The following PCDHGA3 variants were observed in gnomAD, a reference collection of about 807,000 sequenced individuals.
The protein encoded by PCDHGA3 is protocadherin gamma-A3.
In PCDHGA3, 40 loss-of-function variants were observed where a neutral mutation model predicts 58.5. That is an observed-to-expected ratio of 0.68 (90% CI 0.53 to 0.89). PCDHGA3 has a LOEUF of 0.89. PCDHGA3 is among the 40% of genes least tolerant of loss of function. PCDHGA3 has a pLI of 0.00. For synonymous variants in PCDHGA3, 530 were observed against 525.7 expected, an observed-to-expected ratio of 1.01 and a Z score of -0.11; for missense variants, 1,223 against 1,195.9, an observed-to-expected ratio of 1.02 and a Z score of -0.33.
chr5:141,490,205 C>A lies in PCDHGA3; in HGVS notation c.2425-4602C>A. 1 of 1,614,168 alleles carries A rather than the reference C, an allele frequency of 6.2e-7. No individual in the cohort carries two copies. The highest frequency in any genetic ancestry group is 8.5e-7 in the Non-Finnish European group (1 of 1,180,004). ...CGTTTCTATGAAATTCATGCAAGAG[C>A]CCGTGACCAGGGACAGCCTGCCATG... On this transcript the variant is annotated intron_variant, in intron 1 of 3. Transcript: ENST00000253812. This position sits in a 1 kb window ranked among gnomAD's most constrained non-coding sequence, Gnocchi z 5.4.
At chr5:141,383,367 G>C in intron 1 of PCDHGA3, 2 of 1,614,030 alleles carry the variant, frequency 1.2e-6, no homozygotes, top group Non-Finnish European at 1.7e-6. Context: ...CGTTAAGCGA[G>C]GCTGGGGATC....
At chr5:141,497,500 T>G (rs1468175808) in intron 2 of PCDHGA3, among the ~76,000 whole-genome samples, 2 of 151,562 alleles carry the variant, frequency 1.3e-5, no homozygotes, top group Non-Finnish European at 2.9e-5. Context: ...CTCTCTCCTC[T>G]CTCTGCTTCC....
At chr5:141,439,774 T>G (rs1435214431) in intron 1 of PCDHGA3, 2 of 152,364 alleles carry the variant, frequency 1.3e-5, no homozygotes, top group East Asian at 3.9e-4. Context: ...CCTTCTTGGC[T>G]GGAGATTCTA....
Position 141,490,440 on chromosome 5 carries a change from T to G in PCDHGA3, c.2425-4367T>G, listed in dbSNP as rs560525159. The G allele has an allele frequency of 6.2e-7, 1 of 1,614,206 alleles. No individual in the cohort carries two copies. The highest frequency in any genetic ancestry group is 1.7e-5 in the Admixed American group (1 of 60,026). On this transcript the variant is annotated intron_variant, in intron 1 of 3. Transcript: ENST00000253812. This position sits in a 1 kb window ranked among gnomAD's most constrained non-coding sequence, Gnocchi z 5.4. ...ACCTGCCATTTCAGATTAAGCCTTCTGAGAACCACTACTCGCTGCTAACCA... is the reference window on the plus strand; with the variant it reads ...ACCTGCCATTTCAGATTAAGCCTTCGGAGAACCACTACTCGCTGCTAACCA...
rs2154591356 is a variant in PCDHGA3, at chr5:141,493,972, C to G, written c.2425-835C>G. Among the ~76,000 whole-genome samples, 6 of 152,276 alleles carry G rather than the reference C, an allele frequency of 3.9e-5. No homozygotes were observed. In the Middle Eastern group the frequency reaches 0.014, roughly 345 times the overall value. On this transcript the variant is annotated intron_variant, in intron 1 of 3. Coordinates refer to ENST00000253812, the MANE Select transcript of PCDHGA3 (RefSeq NM_018916.4). This position sits in a 1 kb window ranked among gnomAD's most constrained non-coding sequence, Gnocchi z 4.3. ...CAGGAATGAAGTGGCTGGCCAGAGC[C>G]CCACACCTTCAGCTAGGTGGGAGAT...
chr5:141,427,998 C>T, intron 1 of PCDHGA3: 1 of 1,600,956 alleles, frequency 6.2e-7, no homozygotes, highest in Non-Finnish European at 8.6e-7. Flanking sequence ...TGGCTCCGCA[C>T]TCTTCGATAT....
intron 1 of PCDHGA3, among the ~76,000 whole-genome samples, chr5:141,397,265 A>G (rs2093498946): frequency 6.6e-6 from 1 of 152,210 alleles, no homozygotes; most frequent in Non-Finnish European, 1.5e-5. Context: ...TTTCTTAGCT[A>G]CATCATATGG....
At chr5:141,365,031 A>C (rs766626786) in intron 1 of PCDHGA3, 14 of 1,613,758 alleles carry the variant, frequency 8.7e-6, no homozygotes, top group African/African-American at 1.3e-5. Flanking sequence ...ACGGTCCTCG[A>C]CGCAAACGAC....
chr5:141,406,761 A>T (rs1327829124), intron 1 of PCDHGA3, among the ~76,000 whole-genome samples: 1 of 152,234 alleles, frequency 6.6e-6, no homozygotes. Flanking sequence ...ACAAGGAATT[A>T]AAAATATTTC....
rs143278253 is a variant in PCDHGA3 at position 141,476,491 on chromosome 5, C to T, written c.2425-18316C>T. 9.5e-5 allele frequency: 153 copies of T among 1,613,894 alleles called. No individual in the cohort carries two copies. The highest frequency in any genetic ancestry group is 5.4e-5 in the Non-Finnish European group (64 of 1,180,020). On this transcript the variant is annotated intron_variant, in intron 1 of 3. Transcript: ENST00000253812. This position sits in a 1 kb window ranked among gnomAD's most constrained non-coding sequence, Gnocchi z 7.6. ...AGCTGTTCAGCGTGGAAGTGGTGAT[C>T]CAGGACATCAACGACAACAATCCTG... is the stretch of plus-strand genomic sequence containing the variant.
intron 1 of PCDHGA3, chr5:141,390,892 G>A (rs1476434709): frequency 2.6e-5 from 4 of 152,470 alleles, no homozygotes; most frequent in East Asian, 3.8e-4. Context: ...GTGTGTGAGA[G>A]AGATCCTTTT....
At chr5:141,482,544 A>AAAC (rs1041838777) in intron 1 of PCDHGA3, among the ~76,000 whole-genome samples, 4 of 151,844 alleles carry the variant, frequency 2.6e-5, no homozygotes, top group Non-Finnish European at 4.4e-5. Context: ...AAAAAAAAAA[A>AAAC]AAAAAGATAA....
chr5:141,457,498 G>A (rs193168963), intron 1 of PCDHGA3, among the ~76,000 whole-genome samples: 23 of 152,246 alleles, frequency 1.5e-4, no homozygotes, highest in African/African-American at 4.3e-4. Flanking sequence ...TAAAATGTAG[G>A]CAAAAAGCTT....
chr5:141,356,903 C>T, intron 1 of PCDHGA3: 1 of 1,614,244 alleles, frequency 6.2e-7, no homozygotes, highest in Non-Finnish European at 8.5e-7. Flanking sequence ...CCCACCTTCC[C>T]TACTGATGGC....
intron 1 of PCDHGA3, chr5:141,414,883 G>T: frequency 6.2e-7 from 1 of 1,614,176 alleles, no homozygotes; most frequent in Non-Finnish European, 8.5e-7. Context: ...CCTGTACCCC[G>T]CCCTCCCCAC....
chr5:141,387,866 G>A, intron 1 of PCDHGA3: 2 of 1,590,640 alleles, frequency 1.3e-6, no homozygotes, highest in South Asian at 1.1e-5. Context: ...TGGTGAGCAA[G>A]CTGAGGAGAG....
At chr5:141,479,740 C>T (rs1434967266) in intron 1 of PCDHGA3, 1 of 152,168 alleles carries the variant, frequency 6.6e-6, no homozygotes, top group Non-Finnish European at 1.5e-5. Context: ...AGTATATGCA[C>T]AATGTGAAAG....
chr5:141,428,223 A>C (rs539110667), intron 1 of PCDHGA3: 30 of 1,169,680 alleles, frequency 2.6e-5, no homozygotes, highest in Admixed American at 2.5e-4. Flanking sequence ...TAGTCTTCGC[A>C]GACAGCCTGC....
At chr5:141,443,093 C>T (rs1316602934) in intron 1 of PCDHGA3, among the ~76,000 whole-genome samples, 2 of 151,940 alleles carry the variant, frequency 1.3e-5, no homozygotes, top group African/African-American at 4.8e-5. Flanking sequence ...CAGTCTCCTT[C>T]TCAAGCTGAA....
Sources: allele counts gnomAD v4.1 joint callset (sites outside exome capture counted in the v4.1 genomes callset), GRCh38; gene constraint gnomAD v4.1.1; non-coding constraint Gnocchi (gnomAD v3.1); transcripts MANE v1.5; gene names NCBI Gene and HGNC (gene_info 2026-07-23, HGNC 2026-07-21).